MLYCD: variants seen among roughly 807,000 people sequenced by gnomAD.
MLYCD encodes the protein malonyl-CoA decarboxylase, also known as malonyl-CoA decarboxylase, mitochondrial.
In MLYCD, 27 loss-of-function variants were observed where a neutral mutation model predicts 35.8. That is an observed-to-expected ratio of 0.75 (90% CI 0.56 to 1.04). The LOEUF (loss-of-function observed/expected upper bound fraction) is 1.04. Among genes scored for constraint, MLYCD ranks in the 50% least tolerant of loss-of-function variants. The pLI is 0.00. For missense variants in MLYCD, 917 were observed against 665.1 expected (o/e 1.38, Z -4.17); for synonymous variants, 403 against 302.4 (o/e 1.33, Z -3.45).
rs917823579 is a variant in MLYCD, at chr16:83,918,717, C to G, written c.*3228C>G. On this transcript the variant is annotated 3_prime_UTR_variant, in exon 5 of 5. Coordinates refer to ENST00000262430, the MANE Select transcript of MLYCD (RefSeq NM_012213.3). Reference sequence around the variant, plus strand: ...CACACGCACAGTGCACAGGAGAAAACGCACACACAGTGCACAGAACACAGT... The same window carrying G: ...CACACGCACAGTGCACAGGAGAAAAGGCACACACAGTGCACAGAACACAGT... The G allele has an allele frequency of 7.3e-6, 1 of 137,506 alleles. No homozygotes were observed. The highest frequency in any genetic ancestry group is 2.8e-5 in the African/African-American group (1 of 36,094). The allele number at this position is 137,506 out of a possible 1,614,324, so 8.5% of individuals were successfully genotyped here.
At chr16:83,902,770 T>G (rs1361890934) in intron 1 of MLYCD, among the ~76,000 whole-genome samples, 1 of 152,210 alleles carries the variant, frequency 6.6e-6, no homozygotes, top group South Asian at 2.1e-4. Context: ...CCTTCCAAAG[T>G]GCTGGAATTA....
chr16:83,914,913 G>T (rs748470478), intron 4 of MLYCD, 43 bp from the exon 5 acceptor site: 2 of 1,613,908 alleles, frequency 1.2e-6, no homozygotes, highest in Admixed American at 3.3e-5. Context: ...TGCTGAATTT[G>T]TGTTTTCTCC....
intron 1 of MLYCD, among the ~76,000 whole-genome samples, chr16:83,906,280 A>G (rs185931772): frequency 1.3e-5 from 2 of 151,712 alleles, no homozygotes; most frequent in African/African-American, 2.4e-5. Context: ...AGTCCCAGCT[A>G]CTTGGGGGGC....
Position 83,899,380 on chromosome 16 carries a change from C to A in MLYCD, c.236C>A (p.Ala79Asp). ...ADFVSFYGGL[A>D]ETAQRAELLG... ...TTCGTGAGCTTCTACGGTGGGCTGG[C>A]CGAGACGGCCCAGCGGGCCGAACTG... Residue 79 changes from alanine (A) to aspartate (D), a missense_variant, in exon 1 of 5, where the codon GCC becomes GAC. Transcript: ENST00000262430. 1.3e-6 allele frequency: 2 copies of A among 1,526,722 alleles called. No individual in the cohort carries two copies. Among genetic ancestry groups the A allele is most frequent in the East Asian group, 2.6e-5 (1 of 38,068 alleles). 94.6% of individuals were successfully genotyped at this position (1,526,722 alleles called of 1,614,324 possible).
Position 83,900,179 on chromosome 16 carries a change from A to T in MLYCD, c.528+507A>T, listed in dbSNP as rs942375848. Among the ~76,000 whole-genome samples, 7 of 152,256 alleles carry T rather than the reference A, an allele frequency of 4.6e-5. No individual in the cohort carries two copies. The East Asian group carries it at 1.2e-3, about 25-fold the overall frequency. On this transcript the variant is annotated intron_variant, in intron 1 of 4. Transcript: ENST00000262430. ...GGACTCAAGGTCACCACCACCACCC[A>T]GGAGTCTCCATGGCTTCTGGCCTTG...
intron 2 of MLYCD, among the ~76,000 whole-genome samples, chr16:83,907,657 T>G (rs1907029366): frequency 6.6e-6 from 1 of 152,190 alleles, no homozygotes; most frequent in African/African-American, 2.4e-5. Flanking sequence ...CTATTTGAAA[T>G]GTAACCAATT....
At chr16:83,911,960 C>A (rs1413336260) in intron 3 of MLYCD, 4 of 505,950 alleles carry the variant, frequency 7.9e-6, no homozygotes, top group Non-Finnish European at 1.4e-5. Flanking sequence ...CATTGCTCTT[C>A]AACAAAGTTT....
At chr16:83,908,731 G>A (rs531865567) in intron 3 of MLYCD, among the ~76,000 whole-genome samples, 75 of 152,340 alleles carry the variant, frequency 4.9e-4, no homozygotes, top group Admixed American at 1.8e-3. Flanking sequence ...ACTCCTTGGC[G>A]AGTGGAGGTT....
Position 83,923,629 on chromosome 16 carries a change from C to T in MLYCD, c.*8140C>T, listed in dbSNP as rs1374541159. ...TTCCCTAGAGGATCACCGTGTCCAGCCCTGAAGCTGGAGCGAGTGTTCCTC... is the reference window on the plus strand; with the variant it reads ...TTCCCTAGAGGATCACCGTGTCCAGTCCTGAAGCTGGAGCGAGTGTTCCTC... On this transcript the variant is annotated 3_prime_UTR_variant, in exon 5 of 5. Coordinates refer to ENST00000262430, the MANE Select transcript of MLYCD (RefSeq NM_012213.3). The T allele has an allele frequency of 6.6e-6, 1 of 152,326 alleles. No individual in the cohort carries two copies. The highest frequency in any genetic ancestry group is 6.5e-5 in the Admixed American group (1 of 15,292). The allele number at this position is 152,326 out of a possible 1,614,324, so 9.4% of individuals were successfully genotyped here.
rs1907417281 is a variant in MLYCD at position 83,916,824 on chromosome 16, C to T, written c.*1335C>T. The T allele has an allele frequency of 7.9e-6, 1 of 127,126 alleles. No homozygotes were observed. Among genetic ancestry groups the T allele is most frequent in the Admixed American group, 8.2e-5 (1 of 12,250 alleles). 7.9% of individuals were successfully genotyped at this position (127,126 alleles called of 1,614,324 possible). Reference sequence around the variant, plus strand: ...ATCAGTGCACGCCTGTGTGCGTGTGCACGAGCGTCTCTGTGTGTCAGTGCA... The same window carrying T: ...ATCAGTGCACGCCTGTGTGCGTGTGTACGAGCGTCTCTGTGTGTCAGTGCA... On this transcript the variant is annotated 3_prime_UTR_variant, in exon 5 of 5. Transcript: ENST00000262430.
intron 4 of MLYCD, chr16:83,914,008 G>C (rs1907280649): frequency 6.6e-6 from 1 of 152,184 alleles, no homozygotes; most frequent in Non-Finnish European, 1.5e-5. Flanking sequence ...AAAATATAAA[G>C]TAAGTGTCTC....
rs1907624406 is a variant in MLYCD at position 83,920,742 on chromosome 16, C to T, written c.*5253C>T. The T allele has an allele frequency of 6.6e-6, 1 of 152,226 alleles. No homozygotes were observed. Among genetic ancestry groups the T allele is most frequent in the African/African-American group, 2.4e-5 (1 of 41,458 alleles). The allele number at this position is 152,226 out of a possible 1,614,324, so 9.4% of individuals were successfully genotyped here. On this transcript the variant is annotated 3_prime_UTR_variant, in exon 5 of 5. Transcript: ENST00000262430. ...GGAAAATTTCAAACATATGTAAAAG[C>T]AGGGAGAAATTGCATAACGAACCTA...
rs1425712167 is a variant in MLYCD at position 83,907,060 on chromosome 16, C to G, written c.602C>G (p.Thr201Ser). ...GGGTTCCTGAACCTAGAACGGGTTA[C>G]CTGGCATTCACCGTGTGAAGTGCTT... ...SSGFLNLERV[T>S]WHSPCEVLQK... Residue 201 changes from threonine (T) to serine (S), a missense_variant, in exon 2 of 5, where the codon ACC becomes AGC. Physicochemically the swap from Thr to Ser is moderately conservative, Grantham distance 58. Coordinates refer to ENST00000262430, the MANE Select transcript of MLYCD (RefSeq NM_012213.3). The G allele has an allele frequency of 6.2e-7, 1 of 1,614,056 alleles. No individual in the cohort carries two copies. The highest frequency in any genetic ancestry group is 1.3e-5 in the African/African-American group (1 of 74,910).
At chr16:83,912,903 C>T (rs1907231730) in intron 4 of MLYCD, 1 of 194,166 alleles carries the variant, frequency 5.2e-6, no homozygotes, top group African/African-American at 2.3e-5. Context: ...TCTAACTCTC[C>T]TCTCTTTGCT....
In MLYCD at chr16:83,915,982, C is replaced by A; in HGVS notation, c.*493C>A. On this transcript the variant is annotated 3_prime_UTR_variant, in exon 5 of 5. Coordinates refer to ENST00000262430, the MANE Select transcript of MLYCD (RefSeq NM_012213.3). Reference sequence around the variant, plus strand: ...CAGAGGGACAAAGGGCTGTGCTACACTTCCCAGTTACATTCTGAAGCTCAT... The same window carrying A: ...CAGAGGGACAAAGGGCTGTGCTACAATTCCCAGTTACATTCTGAAGCTCAT... The A allele has an allele frequency of 3.9e-6, 4 of 1,020,888 alleles. No homozygotes were observed. The highest frequency in any genetic ancestry group is 4.7e-6 in the Non-Finnish European group (4 of 849,746). 63.2% of individuals were successfully genotyped at this position (1,020,888 alleles called of 1,614,324 possible).
rs1171655799 is a variant in MLYCD, at chr16:83,920,234, T to C, written c.*4745T>C. 2.0e-5 allele frequency: 3 copies of C among 152,218 alleles called. No individual in the cohort carries two copies. Among genetic ancestry groups the C allele is most frequent in the Non-Finnish European group, 2.9e-5 (2 of 68,050 alleles). 9.4% of individuals were successfully genotyped at this position (152,218 alleles called of 1,614,324 possible). On this transcript the variant is annotated 3_prime_UTR_variant, in exon 5 of 5. Transcript: ENST00000262430. ...CTCCCTGGCCTCCCACAGCCATTCA[T>C]AGAGCCCATTCTGTTTGCGATAAAA... is the stretch of plus-strand genomic sequence containing the variant.
At position 83,915,926 on chromosome 16, in the gene MLYCD, G is replaced by C. The variant is rs1325108986; in HGVS notation, c.*437G>C. ...TGCTCATAAAACAGAATGCGGCGAT[G>C]GTTGCTTTAGCCGTTTCTCACCATG... On this transcript the variant is annotated 3_prime_UTR_variant, in exon 5 of 5. Coordinates refer to ENST00000262430, the MANE Select transcript of MLYCD (RefSeq NM_012213.3). The C allele has an allele frequency of 3.7e-6, 4 of 1,078,020 alleles. No individual in the cohort carries two copies. The highest frequency in any genetic ancestry group is 4.5e-6 in the Non-Finnish European group (4 of 885,144). The allele number at this position is 1,078,020 out of a possible 1,614,324, so 66.8% of individuals were successfully genotyped here. A position where few individuals can be genotyped will look rare whatever the true frequency, so the allele number is the denominator to read the frequency against.
intron 3 of MLYCD, 186 bp from the exon 4 acceptor site, chr16:83,912,029 GCCT>G (rs1173555111): frequency 1.3e-6 from 1 of 748,974 alleles, no homozygotes; most frequent in Non-Finnish European, 2.2e-6. Flanking sequence ...CGGTGGAGTC[GCCT>G]CCTCCAGAGA....
rs1443184549 is a variant in MLYCD at position 83,917,895 on chromosome 16, G to A, written c.*2406G>A. 1 of 152,276 alleles carries A rather than the reference G, an allele frequency of 6.6e-6. No homozygotes were observed. The highest frequency in any genetic ancestry group is 2.4e-5 in the African/African-American group (1 of 41,446). The allele number at this position is 152,276 out of a possible 1,614,324, so 9.4% of individuals were successfully genotyped here. ...CCTGGCTGTGTCCTTCACCTGTGCT[G>A]TCTGGTTCTCTCCTGTGTGGACAGG... On this transcript the variant is annotated 3_prime_UTR_variant, in exon 5 of 5. Coordinates refer to ENST00000262430, the MANE Select transcript of MLYCD (RefSeq NM_012213.3).
Sources: allele counts gnomAD v4.1 joint callset (sites outside exome capture counted in the v4.1 genomes callset), GRCh38; gene constraint gnomAD v4.1.1; transcripts MANE v1.5; gene names NCBI Gene and HGNC (gene_info 2026-07-23, HGNC 2026-07-21).